BANP: variants seen among roughly 807,000 people sequenced by gnomAD.
BANP encodes the protein BTG3 associated nuclear protein.
BANP carries 11 observed loss-of-function variants against 68.1 expected under a neutral mutation model. The ratio of observed to expected loss-of-function variants is 0.16; its 90% CI spans 0.10 to 0.27. The LOEUF is 0.27. BANP is among the 10% of genes least tolerant of loss of function. BANP has a pLI of 1.00. For synonymous variants in BANP, 329 were observed against 303.2 expected, an observed-to-expected ratio of 1.09 and a Z score of -0.88; for missense variants, 504 against 722.7, an observed-to-expected ratio of 0.70 and a Z score of 3.47.
chr16:88,049,788 G>A (rs766525231), intron 11 of BANP, among the ~76,000 whole-genome samples: 15 of 152,182 alleles, frequency 9.9e-5, no homozygotes, highest in South Asian at 2.1e-4. Flanking sequence ...GTGGCCACAC[G>A]CTCAGTGACA....
chr16:87,960,791 A>G (rs1335577645), intron 1 of BANP, among the ~76,000 whole-genome samples: 1 of 152,192 alleles, frequency 6.6e-6, no homozygotes, highest in Non-Finnish European at 1.5e-5. Context: ...GGAACACTAT[A>G]AAAAAATAAT....
chr16:87,957,373 G>C lies in BANP; in HGVS notation c.-69+5858G>C, dbSNP rs972764883. 6.6e-6 allele frequency among the ~76,000 whole-genome samples: 1 copy of C among 152,194 alleles called. No homozygotes were observed. The highest frequency in any genetic ancestry group is 1.5e-5 in the Non-Finnish European group (1 of 68,032). On this transcript the variant is annotated intron_variant, in intron 1 of 13. Coordinates refer to ENST00000682872, the MANE Select transcript of BANP (RefSeq NM_001386991.1). The surrounding 1 kb of genome is among the most constrained non-coding windows in gnomAD (Gnocchi z 4.3). ...TGAGGAAGGCTGGGCAGAATGGATC[G>C]GGGGTGTGTATTGGCTGCAGTCACC...
intron 11 of BANP, among the ~76,000 whole-genome samples, chr16:88,044,284 C>G (rs887790338): frequency 2.6e-5 from 4 of 152,264 alleles, no homozygotes; most frequent in African/African-American, 9.6e-5. Flanking sequence ...ACCCTCCTCT[C>G]TCACTCATGC....
rs1027487446 is a variant in BANP at position 88,064,353 on chromosome 16, C to T, written c.1312-914C>T. 6.6e-5 allele frequency among the ~76,000 whole-genome samples: 10 copies of T among 152,182 alleles called. No homozygotes were observed. The highest frequency in any genetic ancestry group is 1.3e-4 in the Non-Finnish European group (9 of 68,030). Reference sequence around the variant, plus strand: ...CACCTGTGGTCAGGGACAGTGGGTTCCTCTCCCTTAGCATGCTTGGAAGCA... The same window carrying T: ...CACCTGTGGTCAGGGACAGTGGGTTTCTCTCCCTTAGCATGCTTGGAAGCA... On this transcript the variant is annotated intron_variant, in intron 11 of 13. Transcript: ENST00000682872. The surrounding 1 kb of genome is among the most constrained non-coding windows in gnomAD (Gnocchi z 4.5).
chr16:88,023,318 A>C (rs1431615342), intron 7 of BANP, among the ~76,000 whole-genome samples: 3 of 152,120 alleles, frequency 2.0e-5, no homozygotes, highest in African/African-American at 7.2e-5. Flanking sequence ...GTGTCTCTCC[A>C]TCATTTTTTC....
chr16:88,071,028 G>T lies in BANP; in HGVS notation c.1378-1041G>T, dbSNP rs1252188083. The stretch of plus-strand genomic sequence containing the variant: ...TGGTCCGGCGCTGTCTCTGCAGTGT[G>T]TTTGCGGGGGCCAAGTTTGCTCTGT... On this transcript the variant is annotated intron_variant, in intron 12 of 13. Coordinates refer to ENST00000682872, the MANE Select transcript of BANP (RefSeq NM_001386991.1). The surrounding 1 kb of genome is among the most constrained non-coding windows in gnomAD (Gnocchi z 6.5). 3.0e-5 allele frequency: 5 copies of T among 165,786 alleles called. No homozygotes were observed. 10.3% of individuals were successfully genotyped at this position (165,786 alleles called of 1,614,324 possible).
At chr16:88,061,854 G>A (rs959957921) in intron 11 of BANP, among the ~76,000 whole-genome samples, 1 of 150,678 alleles carries the variant, frequency 6.6e-6, no homozygotes, top group Non-Finnish European at 1.5e-5. Context: ...TAATGGAGAC[G>A]GGATTTCTCC....
intron 6 of BANP, among the ~76,000 whole-genome samples, chr16:88,010,725 C>T (rs1425724351): frequency 6.6e-6 from 1 of 152,262 alleles, no homozygotes; most frequent in Non-Finnish European, 1.5e-5. Context: ...CATCGCAGTC[C>T]ACGGAACACC....
In BANP at chr16:88,013,564, C is replaced by T. The variant is rs745709803; in HGVS notation, c.656-4864C>T. On this transcript the variant is annotated intron_variant, in intron 6 of 13. Transcript: ENST00000682872. Reference sequence around the variant, plus strand: ...CGGGCTCTCTCTCAGTGTGGTGTGACGTGGGCGTGCCCCATGCCTAGTCCT... The same window carrying T: ...CGGGCTCTCTCTCAGTGTGGTGTGATGTGGGCGTGCCCCATGCCTAGTCCT... 7.2e-5 allele frequency among the ~76,000 whole-genome samples: 11 copies of T among 152,246 alleles called. No homozygotes were observed. The East Asian group carries it at 1.9e-3, about 27-fold the overall frequency.
intron 6 of BANP, among the ~76,000 whole-genome samples, chr16:88,009,203 C>T (rs1309245058): frequency 6.6e-6 from 1 of 152,196 alleles, no homozygotes; most frequent in Admixed American, 6.5e-5. Context: ...GCCTGTGGCC[C>T]TCTGTCCCAG....
intron 1 of BANP, among the ~76,000 whole-genome samples, chr16:87,954,023 G>A (rs940740490): frequency 1.3e-5 from 2 of 152,098 alleles, no homozygotes; most frequent in African/African-American, 4.8e-5. Context: ...TTCCTACGCC[G>A]GGGACTCTGA....
chr16:87,973,873 C>T (rs972066869), intron 1 of BANP, among the ~76,000 whole-genome samples: 1 of 151,922 alleles, frequency 6.6e-6, no homozygotes, highest in Non-Finnish European at 1.5e-5. Context: ...TTGAAGGACA[C>T]GGGTGAGGCC....
At position 88,064,305 on chromosome 16, in the gene BANP, C is replaced by T. The variant is rs1003442822; in HGVS notation, c.1312-962C>T. Among the ~76,000 whole-genome samples, 1 of 152,218 alleles carries T rather than the reference C, an allele frequency of 6.6e-6. No individual in the cohort carries two copies. Among genetic ancestry groups the T allele is most frequent in the Non-Finnish European group, 1.5e-5 (1 of 68,042 alleles). ...GCAGCGCTCCCAGCACCCTGTGCGTCCCTTGCACCCTTGCCCTGTGGTCAC... is the reference window on the plus strand; with the variant it reads ...GCAGCGCTCCCAGCACCCTGTGCGTTCCTTGCACCCTTGCCCTGTGGTCAC... On this transcript the variant is annotated intron_variant, in intron 11 of 13. Transcript: ENST00000682872. The surrounding 1 kb of genome is among the most constrained non-coding windows in gnomAD (Gnocchi z 4.5).
At chr16:87,972,766 C>G (rs1253453193) in intron 1 of BANP, among the ~76,000 whole-genome samples, 1 of 152,174 alleles carries the variant, frequency 6.6e-6, no homozygotes. Context: ...TCCTTTGTCT[C>G]TAGTTTCCGT....
intron 6 of BANP, among the ~76,000 whole-genome samples, chr16:88,013,541 G>A (rs2073769725): frequency 6.6e-6 from 1 of 152,164 alleles, no homozygotes; most frequent in Non-Finnish European, 1.5e-5. Context: ...TGATGGGACG[G>A]GCTCTCTCTC....
intron 11 of BANP, among the ~76,000 whole-genome samples, chr16:88,043,661 A>C (rs1231632440): frequency 6.6e-6 from 1 of 152,204 alleles, no homozygotes; most frequent in East Asian, 1.9e-4. Flanking sequence ...CTTGTATGGT[A>C]AATTAGACCA....
chr16:87,977,905 A>G (rs4843761), intron 2 of BANP, among the ~76,000 whole-genome samples: 53,037 of 152,098 alleles, frequency 0.35, 10,555 homozygotes, highest in Non-Finnish European at 0.47. Flanking sequence ...GCGTGATCTC[A>G]GCTCACTGCA....
intron 11 of BANP, among the ~76,000 whole-genome samples, chr16:88,045,923 C>A (rs964456809): frequency 6.6e-6 from 1 of 152,236 alleles, no homozygotes; most frequent in African/African-American, 2.4e-5. Context: ...GCAGCAGCAC[C>A]TGCTCAGGAA....
intron 9 of BANP, among the ~76,000 whole-genome samples, chr16:88,034,162 A>AG (rs902816530): frequency 3.3e-5 from 5 of 152,182 alleles, no homozygotes; most frequent in Non-Finnish European, 7.3e-5. Flanking sequence ...GGGCTTTTAG[A>AG]GGGGGCGTTA....
Sources: gnomAD v4.1 joint callset for allele counts (sites outside exome capture counted in the v4.1 genomes callset) on GRCh38, gnomAD v4.1.1 for gene constraint, Gnocchi (gnomAD v3.1) non-coding constraint, MANE v1.5 for transcripts, NCBI Gene and HGNC (gene_info 2026-07-23, HGNC 2026-07-21) for gene names.